Variants in SEMA5A observed in about 807,000 individuals in gnomAD.
SEMA5A encodes the protein semaphorin-5A.
Under a neutral mutation model 135.5 loss-of-function variants are expected in SEMA5A, and 55 were observed. That is an observed-to-expected ratio of 0.41 (90% CI 0.33 to 0.51). The LOEUF (loss-of-function observed/expected upper bound fraction) is 0.51, where lower values mean the gene tolerates loss of function less well. Ranked by LOEUF, SEMA5A falls within the 20% of genes least tolerant of loss-of-function variation. The pLI is 0.37. For missense variants in SEMA5A, 1,290 were observed against 1,419.9 expected (o/e 0.91, Z 1.47); for synonymous variants, 580 against 546.5 (o/e 1.06, Z -0.85).
chr5:9,535,451 T>C (rs757301641), intron 1 of SEMA5A, among the ~76,000 whole-genome samples: 12 of 151,970 alleles, frequency 7.9e-5, no homozygotes, highest in Admixed American at 2.0e-4. Flanking sequence ...GGCCCCTCCT[T>C]CCCAACTCTC....
At chr5:9,290,203 C>T (rs927410923) in intron 5 of SEMA5A, among the ~76,000 whole-genome samples, 9 of 152,154 alleles carry the variant, frequency 5.9e-5, no homozygotes, top group African/African-American at 2.2e-4. Context: ...CCCTCACCCC[C>T]TCCCACCCTT....
intron 4 of SEMA5A, among the ~76,000 whole-genome samples, chr5:9,329,305 T>C (rs1000041361): frequency 6.6e-6 from 1 of 152,230 alleles, no homozygotes; most frequent in Non-Finnish European, 1.5e-5. Context: ...TTGTGGTCTA[T>C]GTGCCAACTA....
intron 16 of SEMA5A, among the ~76,000 whole-genome samples, chr5:9,105,310 T>C (rs1262268769): frequency 1.3e-5 from 2 of 152,214 alleles, no homozygotes; most frequent in Admixed American, 1.3e-4. Flanking sequence ...ATTTCACAAG[T>C]GAAGCTGGGA....
rs142213095 is a variant in SEMA5A, at chr5:9,131,769, C to T, written c.1599+4735G>A. ...CTAAACACCTCCCACCAGGTCCCAA[C>T]TCCAACACTGGGGATCACATTTCAA... On this transcript the variant is annotated intron_variant, in intron 13 of 22. Transcript: ENST00000382496. Among the ~76,000 whole-genome samples, 138 of 151,948 alleles carry T rather than the reference C, an allele frequency of 9.1e-4. 2 individuals are homozygous for T. Among genetic ancestry groups the T allele is most frequent in the African/African-American group, 3.0e-3 (124 of 41,388 alleles).
chr5:9,372,528 A>T (rs550596256), intron 3 of SEMA5A, among the ~76,000 whole-genome samples: 2 of 152,066 alleles, frequency 1.3e-5, no homozygotes, highest in East Asian at 3.9e-4. Flanking sequence ...ATATGCATGG[A>T]TACATGGACA....
chr5:9,544,616 C>T (rs569803842), intron 1 of SEMA5A, among the ~76,000 whole-genome samples: 1 of 152,282 alleles, frequency 6.6e-6, no homozygotes, highest in East Asian at 1.9e-4. Context: ...CTGCCTGTGG[C>T]GCCTCGTCCT....
intron 16 of SEMA5A, among the ~76,000 whole-genome samples, chr5:9,081,864 A>G (rs1738405633): frequency 6.6e-6 from 1 of 152,214 alleles, no homozygotes; most frequent in Non-Finnish European, 1.5e-5. Context: ...CTGCTTTAAG[A>G]GAATTCACAG....
At chr5:9,460,263 G>A (rs1759005423) in intron 1 of SEMA5A, among the ~76,000 whole-genome samples, 2 of 152,132 alleles carry the variant, frequency 1.3e-5, no homozygotes, top group Admixed American at 1.3e-4. Context: ...AATGATAGGA[G>A]TTCATGGGTT....
At chr5:9,530,788 C>T (rs1737393204) in intron 1 of SEMA5A, among the ~76,000 whole-genome samples, 1 of 152,174 alleles carries the variant, frequency 6.6e-6, no homozygotes. Context: ...GGAATCTTGA[C>T]TTGCACAATG....
intron 13 of SEMA5A, among the ~76,000 whole-genome samples, chr5:9,125,692 C>G (rs1741070576): frequency 6.6e-6 from 1 of 150,666 alleles, no homozygotes; most frequent in Non-Finnish European, 1.5e-5. Context: ...TCCCTATTGG[C>G]TAAGATGAAA....
At chr5:9,088,659 T>TATATATATATACACACACACACACACAC in intron 16 of SEMA5A, among the ~76,000 whole-genome samples, 1 of 112,890 alleles carries the variant, frequency 8.9e-6, no homozygotes, top group East Asian at 2.2e-4. Flanking sequence ...TATATATATA[T>TATATATATATACACACACACACACACAC]ACACACACAC....
intron 16 of SEMA5A, among the ~76,000 whole-genome samples, chr5:9,099,596 T>C (rs1739512210): frequency 6.6e-6 from 1 of 152,128 alleles, no homozygotes; most frequent in Non-Finnish European, 1.5e-5. Flanking sequence ...TCCTAGATCA[T>C]CTCCATCAGA....
chr5:9,085,395 C>CG (rs963939207), intron 16 of SEMA5A, among the ~76,000 whole-genome samples: 2 of 152,154 alleles, frequency 1.3e-5, no homozygotes, highest in Non-Finnish European at 1.5e-5. Context: ...GGGCTGGGCC[C>CG]GGGGTCCCTG....
At chr5:9,251,579 C>A (rs1370686311) in intron 5 of SEMA5A, among the ~76,000 whole-genome samples, 1 of 152,178 alleles carries the variant, frequency 6.6e-6, no homozygotes, top group East Asian at 1.9e-4. Flanking sequence ...TAGATCAGCA[C>A]TATGAGATTA....
At chr5:9,468,752 C>T (rs79487570) in intron 1 of SEMA5A, among the ~76,000 whole-genome samples, 177 of 152,240 alleles carry the variant, frequency 1.2e-3, no homozygotes, top group African/African-American at 3.9e-3. Context: ...TTTGGGGTTT[C>T]GAATTACTAG....
intron 16 of SEMA5A, among the ~76,000 whole-genome samples, chr5:9,078,548 T>C (rs1036161382): frequency 2.3e-4 from 34 of 151,084 alleles, no homozygotes; most frequent in African/African-American, 8.0e-4. Context: ...TGGCAAATAT[T>C]GGTCTGCCTT....
At chr5:9,469,094 C>T (rs1239065653) in intron 1 of SEMA5A, among the ~76,000 whole-genome samples, 3 of 152,076 alleles carry the variant, frequency 2.0e-5, no homozygotes, top group African/African-American at 7.2e-5. Flanking sequence ...CTGCAACCTC[C>T]GCCTCCCAGA....
At chr5:9,456,808 T>C (rs1758854895) in intron 1 of SEMA5A, among the ~76,000 whole-genome samples, 1 of 152,138 alleles carries the variant, frequency 6.6e-6, no homozygotes, top group Non-Finnish European at 1.5e-5. Context: ...TAAAGAACCA[T>C]TTGGAAATTG....
chr5:9,475,126 T>G (rs1759622315), intron 1 of SEMA5A, among the ~76,000 whole-genome samples: 1 of 152,190 alleles, frequency 6.6e-6, no homozygotes, highest in Admixed American at 6.5e-5. Context: ...GAGACTGAGT[T>G]TCGCCATGTT....
Sources: allele counts gnomAD v4.1 joint callset (sites outside exome capture counted in the v4.1 genomes callset), GRCh38; gene constraint gnomAD v4.1.1; transcripts MANE v1.5; gene names NCBI Gene and HGNC (gene_info 2026-07-23, HGNC 2026-07-21).